Variants in PDXP observed in about 807,000 individuals in gnomAD.
PDXP encodes the protein chronophin.
PDXP carries 15 observed loss-of-function variants against 14.4 expected under a neutral mutation model. The observed-to-expected ratio is 1.04, with a 90% CI of 0.70 to 1.60. PDXP has a LOEUF of 1.60. Ranked by LOEUF, PDXP falls within the 40% of genes most tolerant of loss-of-function variation. PDXP has a pLI of 0.00. For synonymous variants in PDXP, 233 were observed against 205.6 expected (o/e 1.13, Z -1.14); for missense variants, 413 against 427.6 (o/e 0.97, Z 0.30).
At chr22:37,663,783 G>A (rs990684206) in intron 1 of PDXP, among the ~76,000 whole-genome samples, 2 of 152,160 alleles carry the variant, frequency 1.3e-5, no homozygotes, top group African/African-American at 4.8e-5. Context: ...TGACAGCAGT[G>A]AAGAGTGCCC....
chr22:37,659,022 G>T lies in PDXP; in HGVS notation c.240G>T (p.Leu80=). The change falls in exon 1 of 2, where the codon CTG becomes CTT. Residue 80 remains leucine, a synonymous_variant. Coordinates refer to ENST00000215904, the MANE Select transcript of PDXP (RefSeq NM_020315.5). ...LRFARLGFGG[L]RAEQLFSSAL... ...TCGCGCGCCTCGGCTTCGGGGGGCTGCGCGCCGAGCAGCTCTTCAGCTCCG... is the reference window on the plus strand; with the variant it reads ...TCGCGCGCCTCGGCTTCGGGGGGCTTCGCGCCGAGCAGCTCTTCAGCTCCG... The T allele has an allele frequency of 1.7e-6, 2 of 1,180,814 alleles. No homozygotes were observed. Among genetic ancestry groups the T allele is most frequent in the Non-Finnish European group, 1.0e-6 (1 of 952,470 alleles). The allele number at this position is 1,180,814 out of a possible 1,614,324, so 73.1% of individuals were successfully genotyped here.
At chr22:37,665,464 C>T in intron 1 of PDXP, 91 bp from the exon 2 acceptor site, 1 of 1,073,464 alleles carries the variant, frequency 9.3e-7, no homozygotes, top group Middle Eastern at 2.3e-4. Context: ...CGATTTGACC[C>T]TGGCACAATC....
chr22:37,658,794 C>G lies in PDXP; in HGVS notation c.12C>G (p.Cys4Trp). 9 of 1,175,010 alleles carry G rather than the reference C, an allele frequency of 7.7e-6. No individual in the cohort carries two copies. The highest frequency in any genetic ancestry group is 9.5e-6 in the Non-Finnish European group (9 of 951,400). 72.8% of individuals were successfully genotyped at this position (1,175,010 alleles called of 1,614,324 possible). A position where few individuals can be genotyped will look rare whatever the true frequency, so the allele number is the denominator to read the frequency against. MARCERLRGAALRD... is the reference protein window; with the variant it reads MARWERLRGAALRD... ...GGCCGGCCGGCTGCATGGCGCGCTG[C>G]GAGAGGCTGCGCGGAGCGGCCCTGC... The change falls in exon 1 of 2, where the codon TGC becomes TGG. Residue 4 changes from cysteine to tryptophan, a missense_variant. Cys to Trp is a radical substitution (Grantham distance 215). Transcript: ENST00000215904.
chr22:37,659,201 C>A lies in PDXP; in HGVS notation c.419C>A (p.Ala140Asp). The change falls in exon 1 of 2, where the codon GCC becomes GAC. Residue 140 changes from alanine (A) to aspartate (D), a missense_variant. Ala to Asp is a moderately radical substitution (Grantham distance 126). Transcript: ENST00000215904. ...AGDPSAGDGA[A>D]PRVRAVLVGY... The stretch of plus-strand genomic sequence containing the variant: ...GACCCGAGCGCGGGGGACGGCGCGG[C>A]CCCGCGCGTGCGCGCCGTGCTTGTG... The A allele has an allele frequency of 8.0e-7, 1 of 1,244,556 alleles. No homozygotes were observed. The highest frequency in any genetic ancestry group is 3.4e-5 in the South Asian group (1 of 29,214). The allele number at this position is 1,244,556 out of a possible 1,614,324, so 77.1% of individuals were successfully genotyped here. A position where few individuals can be genotyped will look rare whatever the true frequency, so the allele number is the denominator to read the frequency against.
intron 1 of PDXP, 77 bp from the exon 2 acceptor site, chr22:37,665,478 C>T: frequency 8.3e-7 from 1 of 1,207,140 alleles, no homozygotes; most frequent in Non-Finnish European, 1.1e-6. Context: ...CACAATCCAC[C>T]TCCCTGGACT....
Position 37,665,808 on chromosome 22 carries a change from C to T in PDXP, c.828C>T (p.His276=), listed in dbSNP as rs761769123. The change falls in exon 2 of 2, where the codon CAC becomes CAT. Residue 276 remains histidine, a synonymous_variant. Coordinates refer to ENST00000215904, the MANE Select transcript of PDXP (RefSeq NM_020315.5). Reference sequence around the variant, plus strand: ...AGGCCTACCTAGCGGCCGGCCAGCACGACCTCGTGCCCCATTACTATGTGG... The same window carrying T: ...AGGCCTACCTAGCGGCCGGCCAGCATGACCTCGTGCCCCATTACTATGTGG... ...EAQAYLAAGQ[H]DLVPHYYVES... The T allele has an allele frequency of 4.2e-5, 67 of 1,613,908 alleles. No homozygotes were observed. Among genetic ancestry groups the T allele is most frequent in the Non-Finnish European group, 4.1e-5 (48 of 1,180,048 alleles).
At position 37,658,884 on chromosome 22, in the gene PDXP, G is replaced by A; in HGVS notation, c.102G>A (p.Glu34=). The change falls in exon 1 of 2, where the codon GAG becomes GAA. Residue 34 remains glutamate (E), a synonymous_variant. Transcript: ENST00000215904. ...FDCDGVLWNG[E]RAVPGAPELL... Reference sequence around the variant, plus strand: ...GTGACGGGGTGCTGTGGAACGGCGAGCGCGCCGTGCCGGGCGCCCCGGAGC... The same window carrying A: ...GTGACGGGGTGCTGTGGAACGGCGAACGCGCCGTGCCGGGCGCCCCGGAGC... 4 of 1,222,424 alleles carry A rather than the reference G, an allele frequency of 3.3e-6. No individual in the cohort carries two copies. Among genetic ancestry groups the A allele is most frequent in the Non-Finnish European group, 4.1e-6 (4 of 980,170 alleles). 75.7% of individuals were successfully genotyped at this position (1,222,424 alleles called of 1,614,324 possible). A position where few individuals can be genotyped will look rare whatever the true frequency, so the allele number is the denominator to read the frequency against.
At chr22:37,661,399 A>G (rs1933200367) in intron 1 of PDXP, among the ~76,000 whole-genome samples, 1 of 151,052 alleles carries the variant, frequency 6.6e-6, no homozygotes, top group East Asian at 1.9e-4. Context: ...AGCCCCCATG[A>G]TGTGTATGTC....
intron 1 of PDXP, among the ~76,000 whole-genome samples, chr22:37,660,835 G>C: frequency 6.6e-6 from 1 of 152,144 alleles, no homozygotes; most frequent in East Asian, 1.9e-4. Context: ...GCATGATGCA[G>C]GGCAGTGATA....
intron 1 of PDXP, among the ~76,000 whole-genome samples, chr22:37,659,791 G>T (rs1933166167): frequency 6.6e-6 from 1 of 152,190 alleles, no homozygotes; most frequent in African/African-American, 2.4e-5. Context: ...GTGTAATCGT[G>T]TTCAGTTACA....
rs763030330 is a variant in PDXP, at chr22:37,661,917, A to ATTTTTTTTTTTTTTTTTTTT, written c.574+2584_574+2603dup. ...CTTTTATTCTCTCTCTTTTTCTTTA[A>ATTTTTTTTTTTTTTTTTTTT]TTTTTTTTTTTTTTTTTTTTTTTTT... is the stretch of plus-strand genomic sequence containing the variant. On this transcript the variant is annotated intron_variant, in intron 1 of 1. Coordinates refer to ENST00000215904, the MANE Select transcript of PDXP (RefSeq NM_020315.5). 5.6e-5 allele frequency among the ~76,000 whole-genome samples: 4 copies of ATTTTTTTTTTTTTTTTTTTT among 71,188 alleles called. 1 individual carries two copies. Among genetic ancestry groups the ATTTTTTTTTTTTTTTTTTTT allele is most frequent in the Non-Finnish European group, 1.0e-4 (4 of 38,944 alleles). 46.7% of individuals were successfully genotyped at this position (71,188 alleles called of 152,430 possible).
chr22:37,664,938 G>A (rs118076788), intron 1 of PDXP: 1 of 153,614 alleles, frequency 6.5e-6, no homozygotes, highest in Non-Finnish European at 1.4e-5. Context: ...CGCGGACTGG[G>A]TCAGAGGTGC....
In PDXP at chr22:37,665,646, C is replaced by T. The variant is rs1358836100; in HGVS notation, c.666C>T (p.Ile222=). ...CCAGCCCCTACATGTTCGAGTGCAT[C>T]ACGGAGAACTTCAGCATCGACCCCG... is the stretch of plus-strand genomic sequence containing the variant. ...GKPSPYMFEC[I]TENFSIDPAR... is the part of the protein sequence containing the mutation. The change falls in exon 2 of 2, where the codon ATC becomes ATT. Residue 222 remains isoleucine (I), a synonymous_variant. Coordinates refer to ENST00000215904, the MANE Select transcript of PDXP (RefSeq NM_020315.5). 1.9e-6 allele frequency: 3 copies of T among 1,614,038 alleles called. 1 individual carries two copies. The South Asian group carries it at 3.3e-5, about 18-fold the overall frequency.
chr22:37,666,389 T>C lies in PDXP; in HGVS notation c.*518T>C, dbSNP rs772401971. 15 of 179,616 alleles carry C rather than the reference T, an allele frequency of 8.4e-5. No individual in the cohort carries two copies. The highest frequency in any genetic ancestry group is 2.0e-4 in the Non-Finnish European group (15 of 74,306). The allele number at this position is 179,616 out of a possible 1,614,324, so 11.1% of individuals were successfully genotyped here. A position where few individuals can be genotyped will look rare whatever the true frequency, so the allele number is the denominator to read the frequency against. ...GGTACCAGTTTAGGTTCCTAAGTAA[T>C]AGTGACCCTTTCACGTCCTGGAGCC... is the stretch of plus-strand genomic sequence containing the variant. On this transcript the variant is annotated 3_prime_UTR_variant, in exon 2 of 2. Coordinates refer to ENST00000215904, the MANE Select transcript of PDXP (RefSeq NM_020315.5).
At chr22:37,663,995 ATCTCAGC>A (rs750455723) in intron 1 of PDXP, among the ~76,000 whole-genome samples, 58 of 135,166 alleles carry the variant, frequency 4.3e-4, no homozygotes, top group Non-Finnish European at 7.5e-4. Flanking sequence ...CAGTGGCGTC[ATCTCAGC>A]TCACCGCAGC....
chr22:37,658,761 A>AGGCCGGC lies in PDXP; in HGVS notation c.-14_-8dup. 1 of 1,147,412 alleles carries AGGCCGGC rather than the reference A, an allele frequency of 8.7e-7. No homozygotes were observed. The highest frequency in any genetic ancestry group is 1.1e-6 in the Non-Finnish European group (1 of 932,176). 71.1% of individuals were successfully genotyped at this position (1,147,412 alleles called of 1,614,324 possible). ...GCCCGCGGAGAGAGCGCGGCGCGGG[A>AGGCCGGC]GGCCGGCGGCCGGCCGGCTGCATGG... is the stretch of plus-strand genomic sequence containing the variant. On this transcript the variant is annotated 5_prime_UTR_variant, in exon 1 of 2. Transcript: ENST00000215904.
At position 37,658,776 on chromosome 22, in the gene PDXP, C is replaced by T. The variant is rs936268276; in HGVS notation, c.-7C>T. ...GCGGCGCGGGAGGCCGGCGGCCGGCCGGCTGCATGGCGCGCTGCGAGAGGC... is the reference window on the plus strand; with the variant it reads ...GCGGCGCGGGAGGCCGGCGGCCGGCTGGCTGCATGGCGCGCTGCGAGAGGC... On this transcript the variant is annotated 5_prime_UTR_variant, in exon 1 of 2. Coordinates refer to ENST00000215904, the MANE Select transcript of PDXP (RefSeq NM_020315.5). 3 of 1,166,310 alleles carry T rather than the reference C, an allele frequency of 2.6e-6. No homozygotes were observed. The highest frequency in any genetic ancestry group is 1.1e-6 in the Non-Finnish European group (1 of 945,922). The allele number at this position is 1,166,310 out of a possible 1,614,324, so 72.2% of individuals were successfully genotyped here.
chr22:37,661,538 G>A (rs905181056), intron 1 of PDXP, among the ~76,000 whole-genome samples: 15 of 152,164 alleles, frequency 9.9e-5, no homozygotes, highest in African/African-American at 3.6e-4. Context: ...GCTGTCTTAG[G>A]AATACGTCAT....
intron 1 of PDXP, among the ~76,000 whole-genome samples, chr22:37,662,156 A>G (rs1359316272): frequency 6.6e-6 from 1 of 151,894 alleles, no homozygotes; most frequent in Admixed American, 6.6e-5. Context: ...ACAAGATGTC[A>G]GATGAGGGGA....
Sources: allele counts gnomAD v4.1 joint callset (sites outside exome capture counted in the v4.1 genomes callset), GRCh38; gene constraint gnomAD v4.1.1; transcripts MANE v1.5; gene names NCBI Gene and HGNC (gene_info 2026-07-23, HGNC 2026-07-21).